C4orf54: variants seen among roughly 807,000 people sequenced by gnomAD.
C4orf54 encodes the protein chromosome 4 open reading frame 54, also known as uncharacterized protein C4orf54.
A neutral mutation model predicts 80.1 loss-of-function variants in C4orf54; 67 were observed. The ratio of observed to expected loss-of-function variants is 0.84; its 90% CI spans 0.69 to 1.03. The LOEUF is 1.03. C4orf54 is among the 50% of genes least tolerant of loss of function. The probability of loss-of-function intolerance (pLI) is 0.00; values close to 1 mark genes in which losing one functional copy is unlikely to be tolerated. For missense variants in C4orf54, 2,434 were observed against 2,253.5 expected, an observed-to-expected ratio of 1.08 and a Z score of -1.62; for synonymous variants, 1,000 against 917.0, an observed-to-expected ratio of 1.09 and a Z score of -1.64.
In C4orf54 at chr4:99,654,586, G is replaced by A. The variant is rs967647161; in HGVS notation, c.63C>T (p.Ala21=). ...GQPTDAASSV[A]DGIQTPRCCR... ...AGCAGCGAGGAGTCTGAATGCCATC[G>A]GCCACGGAAGAAGCAGCATCTGTAG... is the stretch of plus-strand genomic sequence containing the variant. The change falls in exon 2 of 3, where the codon GCC becomes GCT. Residue 21 remains alanine (A), a synonymous_variant. Coordinates refer to ENST00000511828, the MANE Select transcript of C4orf54 (RefSeq NM_001354435.2). The A allele has an allele frequency of 2.6e-5, 18 of 702,652 alleles. No individual in the cohort carries two copies. Among genetic ancestry groups the A allele is most frequent in the African/African-American group, 1.2e-4 (7 of 57,246 alleles). The allele number at this position is 702,652 out of a possible 1,614,324, so 43.5% of individuals were successfully genotyped here.
Position 99,640,953 on chromosome 4 carries a change from A to T in C4orf54, c.*280T>A, listed in dbSNP as rs1338251756. 6.6e-6 allele frequency: 1 copy of T among 152,154 alleles called. No individual in the cohort carries two copies. The highest frequency in any genetic ancestry group is 1.5e-5 in the Non-Finnish European group (1 of 68,008). The allele number at this position is 152,154 out of a possible 1,614,324, so 9.4% of individuals were successfully genotyped here. ...ATAGAAAGCTTATATCCTGTGTTGA[A>T]GTATAAAAAGAAATAGTCATAAAGG... On this transcript the variant is annotated 3_prime_UTR_variant, in exon 3 of 3. Coordinates refer to ENST00000511828, the MANE Select transcript of C4orf54 (RefSeq NM_001354435.2).
At chr4:99,647,908 C>T (rs900221993) in intron 2 of C4orf54, among the ~76,000 whole-genome samples, 2 of 152,200 alleles carry the variant, frequency 1.3e-5, no homozygotes, top group African/African-American at 4.8e-5. Flanking sequence ...TCCAGTGATG[C>T]TAACTCCCGA....
intron 2 of C4orf54, among the ~76,000 whole-genome samples, chr4:99,642,790 C>T (rs1726627862): frequency 6.6e-6 from 1 of 152,220 alleles, no homozygotes; most frequent in Admixed American, 6.5e-5. Flanking sequence ...GACCAGAACA[C>T]ATGACAGAGT....
Position 99,652,070 on chromosome 4 carries a change from C to G in C4orf54, c.2579G>C (p.Arg860Thr). ...ACGAGAGCTCTGCCTCTGCAGGCCC[C>G]TCTCTCGCTGCCTCTCGCTCCCGCG... The part of the protein sequence containing the change: ...GARGSERQRE[R>T]GLQRQSSRHS... Residue 860 changes from arginine (R) to threonine (T), a missense_variant, in exon 2 of 3, where the codon AGG becomes ACG. Transcript: ENST00000511828. 1.3e-6 allele frequency: 2 copies of G among 1,536,170 alleles called. No individual in the cohort carries two copies. Among genetic ancestry groups the G allele is most frequent in the East Asian group, 4.9e-5 (2 of 40,902 alleles).
intron 2 of C4orf54, among the ~76,000 whole-genome samples, chr4:99,647,933 A>G (rs1390934303): frequency 6.6e-6 from 1 of 152,200 alleles, no homozygotes. Flanking sequence ...AGGCTCTTTC[A>G]TTGCACAAAG....
In C4orf54 at chr4:99,649,871, G is replaced by C; in HGVS notation, c.4778C>G (p.Ala1593Gly). Residue 1593 changes from alanine to glycine, a missense_variant, in exon 2 of 3, where the codon GCT becomes GGT. Ala to Gly is a moderately conservative substitution (Grantham distance 60). Coordinates refer to ENST00000511828, the MANE Select transcript of C4orf54 (RefSeq NM_001354435.2). Reference sequence around the variant, plus strand: ...CTGGAAGGGGTCTGTGGGGACGGGAGCTGAGGCTGCAGGTGCTGGGGCAGG... The same window carrying C: ...CTGGAAGGGGTCTGTGGGGACGGGACCTGAGGCTGCAGGTGCTGGGGCAGG... Reference protein sequence around the residue: ...SMPAPAPAASAPVPTDPFQQA... With the variant: ...SMPAPAPAASGPVPTDPFQQA... 6.5e-7 allele frequency: 1 copy of C among 1,531,650 alleles called. No individual in the cohort carries two copies. The highest frequency in any genetic ancestry group is 8.7e-7 in the Non-Finnish European group (1 of 1,143,080). 94.9% of individuals were successfully genotyped at this position (1,531,650 alleles called of 1,614,324 possible). A position where few individuals can be genotyped will look rare whatever the true frequency, so the allele number is the denominator to read the frequency against.
chr4:99,652,251 C>T lies in C4orf54; in HGVS notation c.2398G>A (p.Ala800Thr). The change falls in exon 2 of 3, where the codon GCC becomes ACC. Residue 800 changes from alanine to threonine, a missense_variant. Coordinates refer to ENST00000511828, the MANE Select transcript of C4orf54 (RefSeq NM_001354435.2). ...AACTTGGACTTCTGGGGGCCATCGG[C>T]GCGGGAGGTGGGCTTGCTGCCCTCG... ...TSEGSKPTSR[A>T]DGPQKSKFAS... 1 of 1,535,824 alleles carries T rather than the reference C, an allele frequency of 6.5e-7. No homozygotes were observed.
intron 2 of C4orf54, among the ~76,000 whole-genome samples, chr4:99,645,005 G>A (rs958781965): frequency 6.6e-6 from 1 of 151,762 alleles, no homozygotes; most frequent in Non-Finnish European, 1.5e-5. Context: ...AAGGAGAAAT[G>A]GACAAGAAGA....
chr4:99,649,135 C>G (rs1288702305), intron 2 of C4orf54, 96 bp downstream of exon 2: 1 of 1,146,786 alleles, frequency 8.7e-7, no homozygotes, highest in Non-Finnish European at 1.2e-6. Flanking sequence ...TTTCTAGAGA[C>G]AGCCTCCTTT....
chr4:99,644,699 A>G (rs555676298), intron 2 of C4orf54, among the ~76,000 whole-genome samples: 17 of 152,022 alleles, frequency 1.1e-4, no homozygotes, highest in African/African-American at 3.4e-4. Flanking sequence ...AGGGAGCTGG[A>G]GGACTCACCC....
intron 2 of C4orf54, among the ~76,000 whole-genome samples, chr4:99,648,736 G>T (rs564911174): frequency 7.9e-5 from 12 of 152,264 alleles, no homozygotes; most frequent in Admixed American, 6.5e-4. Context: ...GCAGATTTTA[G>T]AAAATGTTCC....
Position 99,638,084 on chromosome 4 carries a change from T to C in C4orf54, c.*3149A>G, listed in dbSNP as rs1307867671. 1.3e-5 allele frequency: 2 copies of C among 152,050 alleles called. No homozygotes were observed. The highest frequency in any genetic ancestry group is 2.9e-5 in the Non-Finnish European group (2 of 67,974). 9.4% of individuals were successfully genotyped at this position (152,050 alleles called of 1,614,324 possible). On this transcript the variant is annotated 3_prime_UTR_variant, in exon 3 of 3. Coordinates refer to ENST00000511828, the MANE Select transcript of C4orf54 (RefSeq NM_001354435.2). ...AGGATGATAATGTCAAATTTGAAAATAAGAAAAAGGAATTTATATCACCAG... is the reference window on the plus strand; with the variant it reads ...AGGATGATAATGTCAAATTTGAAAACAAGAAAAAGGAATTTATATCACCAG...
rs756685440 is a variant in C4orf54, at chr4:99,654,173, G to T, written c.476C>A (p.Ala159Glu). 5.9e-6 allele frequency: 9 copies of T among 1,536,176 alleles called. No homozygotes were observed. The highest frequency in any genetic ancestry group is 3.9e-5 in the Admixed American group (2 of 51,002). Residue 159 changes from alanine to glutamate, a missense_variant, in exon 2 of 3, where the codon GCG (alanine) becomes GAG (glutamate). By Grantham distance (107) the Ala-to-Glu change is moderately radical. Transcript: ENST00000511828. ...ACTGCTCACCCCGTCCCCCACCTCC[G>T]CCTGTCTTGCTTTCGAATTCAGCTC... Reference protein sequence around the residue: ...PPELNSKARQAEVGDGVSSAQ... With the variant: ...PPELNSKARQEEVGDGVSSAQ...
At position 99,652,050 on chromosome 4, in the gene C4orf54, A is replaced by T. The variant is rs1414503702; in HGVS notation, c.2599T>A (p.Ser867Thr). Residue 867 changes from serine to threonine, a missense_variant, in exon 2 of 3, where the codon TCT becomes ACT. Transcript: ENST00000511828. ...TCGGAGCCGGCCTCGGAGTGACGAG[A>T]GCTCTGCCTCTGCAGGCCCCTCTCT... is the stretch of plus-strand genomic sequence containing the variant. ...QRERGLQRQS[S>T]RHSEAGSEYT... 2.0e-6 allele frequency: 3 copies of T among 1,535,978 alleles called. No homozygotes were observed. The highest frequency in any genetic ancestry group is 2.4e-5 in the South Asian group (2 of 84,052).
chr4:99,651,961 T>C lies in C4orf54; in HGVS notation c.2688A>G (p.Pro896=), dbSNP rs1210598700. 2 of 1,535,988 alleles carry C rather than the reference T, an allele frequency of 1.3e-6. No homozygotes were observed. Among genetic ancestry groups the C allele is most frequent in the Admixed American group, 2.0e-5 (1 of 50,990 alleles). The change falls in exon 2 of 3, where the codon CCA becomes CCG. Residue 896 remains proline, a synonymous_variant. Transcript: ENST00000511828. ...CGCGAGGAGTACTGGCTTTGAAGACTGGAGATTTGGAGCCCGCCACGGACC... is the reference window on the plus strand; with the variant it reads ...CGCGAGGAGTACTGGCTTTGAAGACCGGAGATTTGGAGCCCGCCACGGACC... ...GEGSVAGSKS[P]VFKASTPRER...
rs1413878742 is a variant in C4orf54 at position 99,639,990 on chromosome 4, T to G, written c.*1243A>C. The G allele has an allele frequency of 1.3e-5, 2 of 152,224 alleles. No homozygotes were observed. Among genetic ancestry groups the G allele is most frequent in the East Asian group, 3.9e-4 (2 of 5,188 alleles). 9.4% of individuals were successfully genotyped at this position (152,224 alleles called of 1,614,324 possible). A position where few individuals can be genotyped will look rare whatever the true frequency, so the allele number is the denominator to read the frequency against. On this transcript the variant is annotated 3_prime_UTR_variant, in exon 3 of 3. Transcript: ENST00000511828. ...TGGGAAAACCTTCAAATTATTCCTT[T>G]AAAAAGTAATTAAGTAATATTTCAA...
In C4orf54 at chr4:99,652,604, C is replaced by A; in HGVS notation, c.2045G>T (p.Arg682Met). The change falls in exon 2 of 3, where the codon AGG (arginine) becomes ATG (methionine). Residue 682 changes from arginine to methionine, a missense_variant. Transcript: ENST00000511828. Reference sequence around the variant, plus strand: ...TGCAGCCACAGAGGCCGCGCTGCTCCTGAGGAGGCTCTGCTCCACCCTGGC... The same window carrying A: ...TGCAGCCACAGAGGCCGCGCTGCTCATGAGGAGGCTCTGCTCCACCCTGGC... ...VGARVEQSLL[R>M]SSAASVAAGL... is the part of the protein sequence containing the mutation. The A allele has an allele frequency of 6.5e-7, 1 of 1,536,070 alleles. No homozygotes were observed. Among genetic ancestry groups the A allele is most frequent in the Non-Finnish European group, 8.7e-7 (1 of 1,146,898 alleles).
In C4orf54 at chr4:99,652,049, G is replaced by A; in HGVS notation, c.2600C>T (p.Ser867Phe). ...CTCGGAGCCGGCCTCGGAGTGACGA[G>A]AGCTCTGCCTCTGCAGGCCCCTCTC... Reference protein sequence around the residue: ...QRERGLQRQSSRHSEAGSEYT... With the variant: ...QRERGLQRQSFRHSEAGSEYT... Residue 867 changes from serine (S) to phenylalanine (F), a missense_variant, in exon 2 of 3, where the codon TCT becomes TTT. Physicochemically the swap from Ser to Phe is radical, Grantham distance 155 (BLOSUM62 -2). Coordinates refer to ENST00000511828, the MANE Select transcript of C4orf54 (RefSeq NM_001354435.2). 2.0e-6 allele frequency: 3 copies of A among 1,536,130 alleles called. No individual in the cohort carries two copies. The highest frequency in any genetic ancestry group is 2.6e-6 in the Non-Finnish European group (3 of 1,146,890).
In C4orf54 at chr4:99,651,921, G is replaced by A; in HGVS notation, c.2728C>T (p.Pro910Ser). 2 of 1,536,090 alleles carry A rather than the reference G, an allele frequency of 1.3e-6. No homozygotes were observed. The highest frequency in any genetic ancestry group is 2.4e-5 in the East Asian group (1 of 40,894). The change falls in exon 2 of 3, where the codon CCT becomes TCT. Residue 910 changes from proline to serine, a missense_variant. By Grantham distance (74) the Pro-to-Ser change is moderately conservative (BLOSUM62 -1). Coordinates refer to ENST00000511828, the MANE Select transcript of C4orf54 (RefSeq NM_001354435.2). ...ASTPRERNAG[P>S]GRNFTDGHTE... ...TGTCCATCGGTGAAATTCCGGCCAG[G>A]GCCTGCGTTGCGCTCGCGAGGAGTA...
Sources: allele counts gnomAD v4.1 joint callset (sites outside exome capture counted in the v4.1 genomes callset), GRCh38; gene constraint gnomAD v4.1.1; transcripts MANE v1.5; gene names NCBI Gene and HGNC (gene_info 2026-07-23, HGNC 2026-07-21).